BUB1B: variants seen among roughly 807,000 people sequenced by gnomAD.
BUB1B encodes mitotic checkpoint serine/threonine-protein kinase BUB1 beta.
A neutral mutation model predicts 137.7 loss-of-function variants in BUB1B; 86 were observed. That is an observed-to-expected ratio of 0.62 (90% CI 0.52 to 0.75). The LOEUF is 0.75. Ranked by LOEUF, BUB1B falls within the 30% of genes least tolerant of loss-of-function variation. The probability of loss-of-function intolerance (pLI) is 0.00; values close to 1 mark genes in which losing one functional copy is unlikely to be tolerated. For synonymous variants in BUB1B, 420 were observed against 417.9 expected, an observed-to-expected ratio of 1.00 and a Z score of -0.06; for missense variants, 1,130 against 1,236.9, an observed-to-expected ratio of 0.91 and a Z score of 1.30.
chr15:40,166,292 G>T, intron 2 of BUB1B: 1 of 406,720 alleles, frequency 2.5e-6, no homozygotes. Flanking sequence ...TGTTGCTATG[G>T]ACATTCTTGA....
intron 18 of BUB1B, among the ~76,000 whole-genome samples, chr15:40,211,949 CG>C (rs1566828133): frequency 6.6e-6 from 1 of 152,082 alleles, no homozygotes; most frequent in African/African-American, 2.4e-5. Flanking sequence ...CAGCCTCCCG[CG>C]TAGCTGGGAT....
At chr15:40,189,568 A>G (rs1337593984) in intron 8 of BUB1B, among the ~76,000 whole-genome samples, 1 of 152,234 alleles carries the variant, frequency 6.6e-6, no homozygotes, top group African/African-American at 2.4e-5. Flanking sequence ...GCCAAGTAGT[A>G]TTCCGTTGTG....
chr15:40,218,681 T>A, intron 22 of BUB1B, 119 bp downstream of exon 22: 1 of 771,116 alleles, frequency 1.3e-6, no homozygotes, highest in Admixed American at 2.0e-5. Flanking sequence ...TTCCAGTAGT[T>A]TCAGCCAGTT....
At chr15:40,167,808 C>T (rs1483257065) in intron 2 of BUB1B, among the ~76,000 whole-genome samples, 1 of 149,598 alleles carries the variant, frequency 6.7e-6, no homozygotes, top group Non-Finnish European at 1.5e-5. Context: ...CACTGAATTG[C>T]GTTGGGGCCC....
chr15:40,161,327 C>T (rs752046285), intron 1 of BUB1B, 72 bp downstream of exon 1: 3 of 1,537,246 alleles, frequency 2.0e-6, no homozygotes, highest in Non-Finnish European at 2.6e-6. Context: ...GAAGGCTCCG[C>T]TCGGAGCAGT....
At chr15:40,211,898 C>A (rs552494853) in intron 18 of BUB1B, among the ~76,000 whole-genome samples, 1 of 152,074 alleles carries the variant, frequency 6.6e-6, no homozygotes, top group Non-Finnish European at 1.5e-5. Context: ...TTTTGGCTCA[C>A]TGCAACCTCT....
chr15:40,168,259 C>T (rs1379957107), intron 2 of BUB1B, among the ~76,000 whole-genome samples: 2 of 151,820 alleles, frequency 1.3e-5, no homozygotes, highest in African/African-American at 2.4e-5. Flanking sequence ...CCCAGCTACT[C>T]GGGAGGCTGA....
At chr15:40,213,773 A>C (rs771276815) in intron 20 of BUB1B, among the ~76,000 whole-genome samples, 7 of 152,176 alleles carry the variant, frequency 4.6e-5, no homozygotes, top group Non-Finnish European at 1.0e-4. Flanking sequence ...CCTGGCCTCA[A>C]GTGATCTGCC....
chr15:40,210,046 G>A, intron 17 of BUB1B, 64 bp from the exon 18 acceptor site: 2 of 1,343,044 alleles, frequency 1.5e-6, no homozygotes, highest in Non-Finnish European at 2.1e-6. Flanking sequence ...AAACCAGGAG[G>A]TAAAAGCTAC....
intron 16 of BUB1B, 34 bp from the exon 17 acceptor site, chr15:40,209,601 G>A (rs1595533415): frequency 6.2e-7 from 1 of 1,613,212 alleles, no homozygotes; most frequent in African/African-American, 1.3e-5. Context: ...GGTTTTTTTG[G>A]TGATATATTT....
chr15:40,186,468 C>T (rs1427745133), intron 8 of BUB1B, among the ~76,000 whole-genome samples: 8 of 109,220 alleles, frequency 7.3e-5, no homozygotes, highest in Admixed American at 1.4e-4. Flanking sequence ...GATGGAGTCT[C>T]GCTGTGTCGC....
Position 40,218,436 on chromosome 15 carries a change from G to A in BUB1B, c.2851-20G>A. 6.4e-7 allele frequency: 1 copy of A among 1,568,262 alleles called. No homozygotes were observed. Among genetic ancestry groups the A allele is most frequent in the Non-Finnish European group, 8.8e-7 (1 of 1,139,202 alleles). On this transcript the variant is annotated intron_variant, in intron 21 of 22. Coordinates refer to ENST00000287598, the MANE Select transcript of BUB1B (RefSeq NM_001211.6). ...GAGGCAGAGAATTATTTTAGCTGATGGTGCTTTTTGTGATTTCAGGTAGAC... is the reference window on the plus strand; with the variant it reads ...GAGGCAGAGAATTATTTTAGCTGATAGTGCTTTTTGTGATTTCAGGTAGAC...
chr15:40,218,609 C>T (rs546779944), intron 22 of BUB1B, 47 bp downstream of exon 22: 1 of 1,423,044 alleles, frequency 7.0e-7, no homozygotes, highest in South Asian at 1.2e-5. Context: ...CAATAATTTT[C>T]TGTTTCTCTT....
At position 40,199,745 on chromosome 15, in the gene BUB1B, A is replaced by G. The variant is rs2037541338; in HGVS notation, c.1401+18A>G. 31 of 1,559,762 alleles carry G rather than the reference A, an allele frequency of 2.0e-5. No homozygotes were observed. The highest frequency in any genetic ancestry group is 3.3e-5 in the Admixed American group (2 of 59,774). ...GTGATCAGGTAATTTTTCTTTTTTC[A>G]TACACAAAACTAGAATTTATTGAAA... On this transcript the variant is annotated intron_variant, in intron 10 of 22. Coordinates refer to ENST00000287598, the MANE Select transcript of BUB1B (RefSeq NM_001211.6).
At chr15:40,183,101 T>C (rs2037314392) in intron 5 of BUB1B, among the ~76,000 whole-genome samples, 1 of 152,174 alleles carries the variant, frequency 6.6e-6, no homozygotes, top group Admixed American at 6.5e-5. Context: ...ATAATACTTT[T>C]TAAGGCTAGT....
At position 40,202,480 on chromosome 15, in the gene BUB1B, T is replaced by C. The variant is rs201669300; in HGVS notation, c.1628+15T>C. ...AAGAATAAAAGGTACGTTGTTTTTT[T>C]GTTTTTTTGGTTTTTTTTTACTTAA... On this transcript the variant is annotated intron_variant, in intron 13 of 22. Coordinates refer to ENST00000287598, the MANE Select transcript of BUB1B (RefSeq NM_001211.6). The C allele has an allele frequency of 1.9e-6, 3 of 1,609,726 alleles. No homozygotes were observed. In the African/African-American group the frequency reaches 4.0e-5, roughly 22 times the overall value.
At chr15:40,174,135 C>T (rs1423558870) in intron 4 of BUB1B, among the ~76,000 whole-genome samples, 1 of 152,084 alleles carries the variant, frequency 6.6e-6, no homozygotes, top group Non-Finnish European at 1.5e-5. Flanking sequence ...TACTGGCTGT[C>T]CCACGCACAA....
At chr15:40,169,609 CTT>C (rs893767898) in intron 2 of BUB1B, among the ~76,000 whole-genome samples, 2 of 96,944 alleles carry the variant, frequency 2.1e-5, no homozygotes, top group African/African-American at 3.8e-5. Flanking sequence ...TATTTCTATT[CTT>C]TTTTTTTTTT....
At chr15:40,184,739 C>A (rs1186416530) in intron 6 of BUB1B, among the ~76,000 whole-genome samples, 1 of 152,094 alleles carries the variant, frequency 6.6e-6, no homozygotes, top group East Asian at 1.9e-4. Flanking sequence ...AGCCCCACAA[C>A]AGAGAAAACC....
Sources: allele counts gnomAD v4.1 joint callset (sites outside exome capture counted in the v4.1 genomes callset), GRCh38; gene constraint gnomAD v4.1.1; transcripts MANE v1.5; gene names NCBI Gene and HGNC (gene_info 2026-07-23, HGNC 2026-07-21).